The following FRMD5 variants were observed in gnomAD, a reference collection of about 807,000 sequenced individuals.
The protein encoded by FRMD5 is FERM domain-containing protein 5.
FRMD5 carries 20 observed loss-of-function variants against 69.0 expected under a neutral mutation model. That is an observed-to-expected ratio of 0.29 (90% confidence interval 0.20 to 0.42). The LOEUF (loss-of-function observed/expected upper bound fraction) is 0.42. FRMD5 is among the 10% of genes least tolerant of loss of function. The pLI is 1.00. For missense variants in FRMD5, 595 were observed against 708.6 expected (o/e 0.84, Z 1.82); for synonymous variants, 271 against 260.1 (o/e 1.04, Z -0.40).
chr15:44,191,922 T>TATATATATATATATATATATCTA, intron 1 of FRMD5, among the ~76,000 whole-genome samples: 1 of 8,928 alleles, frequency 1.1e-4, no homozygotes, highest in Non-Finnish European at 2.0e-4. Context: ...TATATATATA[T>TATATATATATATATATATATCTA]TATATATATA....
At chr15:44,023,965 T>G (rs565937518) in intron 1 of FRMD5, among the ~76,000 whole-genome samples, 2 of 152,238 alleles carry the variant, frequency 1.3e-5, no homozygotes, top group South Asian at 4.1e-4. Flanking sequence ...CTTGCAAGGT[T>G]GTTGGATGTG....
At chr15:44,093,085 C>A (rs1044111565) in intron 1 of FRMD5, among the ~76,000 whole-genome samples, 1 of 151,966 alleles carries the variant, frequency 6.6e-6, no homozygotes, top group African/African-American at 2.4e-5. Flanking sequence ...GCGCGCACCA[C>A]CACACCCAGC....
At chr15:44,023,720 C>T (rs897899715) in intron 1 of FRMD5, among the ~76,000 whole-genome samples, 1 of 152,062 alleles carries the variant, frequency 6.6e-6, no homozygotes, top group Non-Finnish European at 1.5e-5. Flanking sequence ...CTAAAGTCTT[C>T]AGTAATATAA....
At chr15:43,956,979 A>G (rs1196408522) in intron 1 of FRMD5, among the ~76,000 whole-genome samples, 1 of 152,208 alleles carries the variant, frequency 6.6e-6, no homozygotes, top group African/African-American at 2.4e-5. Context: ...TCTTTTATAG[A>G]TAATATCCAC....
At chr15:44,139,749 A>AAAAAC (rs2077239830) in intron 1 of FRMD5, among the ~76,000 whole-genome samples, 1 of 149,460 alleles carries the variant, frequency 6.7e-6, no homozygotes, top group Non-Finnish European at 1.5e-5. Flanking sequence ...AAAAAAAAAA[A>AAAAAC]AAAGACATGA....
At chr15:44,007,129 C>G (rs934032154) in intron 1 of FRMD5, among the ~76,000 whole-genome samples, 1 of 152,144 alleles carries the variant, frequency 6.6e-6, no homozygotes, top group Non-Finnish European at 1.5e-5. Flanking sequence ...CTTCCACCAG[C>G]CAAAAGATTT....
intron 1 of FRMD5, among the ~76,000 whole-genome samples, chr15:44,048,357 A>T (rs2899103): frequency 0.9 from 136,931 of 152,184 alleles, 62,198 homozygotes; most frequent in East Asian, 1. Context: ...CATTTTTGTA[A>T]CTTGTTTGGA....
intron 1 of FRMD5, among the ~76,000 whole-genome samples, chr15:44,006,788 G>C (rs1890469876): frequency 6.6e-6 from 1 of 152,214 alleles, no homozygotes; most frequent in Non-Finnish European, 1.5e-5. Context: ...GATGAGCAGA[G>C]AAAGTGGTTT....
chr15:43,875,788 T>C (rs1595468307), intron 13 of FRMD5: 1 of 591,896 alleles, frequency 1.7e-6, no homozygotes, highest in Non-Finnish European at 3.0e-6. Flanking sequence ...TTCTTGCCTT[T>C]GGTGTCCTGG....
At chr15:44,127,252 C>T (rs189061169) in intron 1 of FRMD5, among the ~76,000 whole-genome samples, 10 of 152,226 alleles carry the variant, frequency 6.6e-5, no homozygotes, top group African/African-American at 2.2e-4. Context: ...ACCACCACAC[C>T]GACTAATTCT....
chr15:44,183,914 G>A (rs1376473030), intron 1 of FRMD5, among the ~76,000 whole-genome samples: 6 of 151,802 alleles, frequency 4.0e-5, no homozygotes, highest in Non-Finnish European at 7.4e-5. Flanking sequence ...CCCAGGATGC[G>A]GAGGTTGCAG....
intron 1 of FRMD5, among the ~76,000 whole-genome samples, chr15:44,102,634 G>A (rs1050814937): frequency 3.9e-5 from 6 of 152,162 alleles, no homozygotes; most frequent in Non-Finnish European, 8.8e-5. Context: ...GAGTTCCCAA[G>A]CAGACTTTCA....
chr15:44,132,688 C>A (rs2077119137), intron 1 of FRMD5, among the ~76,000 whole-genome samples: 1 of 152,092 alleles, frequency 6.6e-6, no homozygotes, highest in South Asian at 2.1e-4. Flanking sequence ...CTCAGCCTCC[C>A]AAAGTGCTGG....
At chr15:43,955,629 A>C (rs2140524010) in intron 1 of FRMD5, among the ~76,000 whole-genome samples, 1 of 141,918 alleles carries the variant, frequency 7.0e-6, no homozygotes, top group South Asian at 2.3e-4. Flanking sequence ...GCAAACCATC[A>C]AACCTGAATA....
At chr15:44,015,138 CTT>C (rs768779001) in intron 1 of FRMD5, among the ~76,000 whole-genome samples, 5 of 144,034 alleles carry the variant, frequency 3.5e-5, no homozygotes, top group Admixed American at 7.0e-5. Flanking sequence ...CTTACTGAAA[CTT>C]TTTTTTTTTT....
chr15:43,952,740 C>A (rs993211306), intron 1 of FRMD5, among the ~76,000 whole-genome samples: 3 of 152,232 alleles, frequency 2.0e-5, no homozygotes, highest in African/African-American at 7.2e-5. Context: ...GCCATGCGGT[C>A]AGCACGCAGC....
chr15:43,951,170 C>A (rs1290029081), intron 1 of FRMD5, among the ~76,000 whole-genome samples: 1 of 151,708 alleles, frequency 6.6e-6, no homozygotes, highest in Non-Finnish European at 1.5e-5. Flanking sequence ...CCTATAATCC[C>A]AGCACTTTGG....
intron 1 of FRMD5, among the ~76,000 whole-genome samples, chr15:43,952,543 C>A (rs556042826): frequency 6.6e-6 from 1 of 152,202 alleles, no homozygotes; most frequent in African/African-American, 2.4e-5. Context: ...TCTGGGAGCA[C>A]GGCCATCATG....
At chr15:43,876,949 C>G (rs1425067757) in intron 13 of FRMD5, among the ~76,000 whole-genome samples, 1 of 152,152 alleles carries the variant, frequency 6.6e-6, no homozygotes, top group Non-Finnish European at 1.5e-5. Flanking sequence ...TATCTCTTCT[C>G]TCTTCCCAAG....
Sources: allele counts gnomAD v4.1 joint callset (sites outside exome capture counted in the v4.1 genomes callset), GRCh38; gene constraint gnomAD v4.1.1; transcripts MANE v1.5; gene names NCBI Gene and HGNC (gene_info 2026-07-23, HGNC 2026-07-21).